SLC25A29: variants seen among roughly 807,000 people sequenced by gnomAD.
SLC25A29 encodes solute carrier family 25 member 29.
A neutral mutation model predicts 10.0 loss-of-function variants in SLC25A29; 13 were observed. The observed-to-expected ratio is 1.30, with a 90% CI of 0.85 to 2.07. SLC25A29 has a LOEUF of 2.07. SLC25A29 is among the 30% of genes most tolerant of loss of function. SLC25A29 has a pLI of 0.00. For missense variants in SLC25A29, 475 were observed against 447.6 expected (o/e 1.06, Z -0.55); for synonymous variants, 244 against 221.1 (o/e 1.10, Z -0.92).
chr14:100,286,004 G>A, the SLC25A29 span, among the ~76,000 whole-genome samples: 1 of 152,102 alleles, frequency 6.6e-6, no homozygotes, highest in Non-Finnish European at 1.5e-5. Context: ...GGCGTGGCGG[G>A]GGCTCCTACC....
intron 2 of SLC25A29, 37 bp downstream of exon 2, chr14:100,298,805 T>C (rs1198265861): frequency 7.4e-6 from 12 of 1,614,106 alleles, no homozygotes; most frequent in Admixed American, 3.3e-5. Context: ...CTCTCCAATG[T>C]ACGCGCCGAG....
At chr14:100,299,328 C>T (rs943930797) in intron 1 of SLC25A29, 23 of 1,024,604 alleles carry the variant, frequency 2.2e-5, no homozygotes, top group Admixed American at 5.1e-5. Flanking sequence ...CGCTCATCAG[C>T]CTGGCGTGCT....
At chr14:100,294,700 CG>C (rs2139697030) in intron 2 of SLC25A29, 1 of 152,322 alleles carries the variant, frequency 6.6e-6, no homozygotes, top group African/African-American at 2.4e-5. Flanking sequence ...GAGCCCTCAC[CG>C]GGAACAGCCA....
Position 100,292,941 on chromosome 14 carries a change from C to T in SLC25A29, c.254G>A (p.Arg85Gln), listed in dbSNP as rs769844348. Residue 85 changes from arginine to glutamine, a missense_variant, in exon 4 of 4, where the codon CGG becomes CAG. By Grantham distance (43) the Arg-to-Gln change is conservative (BLOSUM62 1). Transcript: ENST00000359232. ...GAGGGGCGAGTCGTGGCCCAGGGCC[C>T]GGAGGGTGTTGCCCTGCACCCCGAA... is the stretch of plus-strand genomic sequence containing the variant. The part of the protein sequence containing the change: ...LVFGVQGNTL[R>Q]ALGHDSPLNQ... The T allele has an allele frequency of 1.9e-6, 3 of 1,606,358 alleles. No individual in the cohort carries two copies. The highest frequency in any genetic ancestry group is 2.2e-5 in the East Asian group (1 of 44,620).
intron 3 of SLC25A29, 34 bp from the exon 4 acceptor site, chr14:100,293,066 C>T (rs373199492): frequency 9.4e-6 from 14 of 1,496,202 alleles, no homozygotes; most frequent in African/African-American, 2.8e-5. Flanking sequence ...GAGCCGGCAA[C>T]GCGCACCTCC....
At chr14:100,295,462 AT>A in intron 2 of SLC25A29, 88 of 715,880 alleles carry the variant, frequency 1.2e-4, no homozygotes, top group Non-Finnish European at 1.4e-4. Flanking sequence ...GAGGGGGCTG[AT>A]TTTTTTTGGC....
intron 2 of SLC25A29, chr14:100,295,663 C>T: frequency 7.8e-7 from 1 of 1,289,556 alleles, no homozygotes. Flanking sequence ...CCATCTACAA[C>T]AAAGTTACAC....
At chr14:100,295,992 G>A in intron 2 of SLC25A29, 1 of 1,289,516 alleles carries the variant, frequency 7.8e-7, no homozygotes, top group Non-Finnish European at 1.0e-6. Flanking sequence ...AGTCCCAAGG[G>A]CCTGGGGGAA....
chr14:100,286,499 C>T (rs1342342792), downstream of SLC25A29, among the ~76,000 whole-genome samples: 4 of 84,434 alleles, frequency 4.7e-5, no homozygotes, highest in South Asian at 3.0e-4. Flanking sequence ...TGCAGAGGGG[C>T]GCTGGTGGGG....
At chr14:100,282,946 GAACTCCC>G in the SLC25A29 span, among the ~76,000 whole-genome samples, 1 of 152,186 alleles carries the variant, frequency 6.6e-6, no homozygotes, top group Non-Finnish European at 1.5e-5. Context: ...ACAGGACTGG[GAACTCCC>G]AGGATTTGGT....
chr14:100,295,237 AC>A (rs1892058401), intron 2 of SLC25A29: 2 of 196,918 alleles, frequency 1.0e-5, no homozygotes, highest in South Asian at 1.7e-4. Context: ...TCAGTCTGTG[AC>A]GAGCCCTTGC....
chr14:100,300,963 G>A (rs967957473), intron 1 of SLC25A29, among the ~76,000 whole-genome samples: 6 of 151,552 alleles, frequency 4.0e-5, no homozygotes, highest in Non-Finnish European at 7.4e-5. Context: ...GTAGTGTTGC[G>A]GTCTCGGCTC....
At chr14:100,294,071 C>T (rs1415509481) in intron 2 of SLC25A29, 1 of 152,242 alleles carries the variant, frequency 6.6e-6, no homozygotes, top group Non-Finnish European at 1.5e-5. Flanking sequence ...CATGCCACTG[C>T]ACTCCAGCCT....
downstream of SLC25A29, among the ~76,000 whole-genome samples, chr14:100,288,578 A>ACCCCCCCCCCCCCCCCCCCCC (rs530887749): frequency 2.2e-5 from 3 of 139,008 alleles, no homozygotes; most frequent in Admixed American, 7.3e-5. Context: ...GCCCTGCCTC[A>ACCCCCCCCCCCCCCCCCCCCC]CCCCCCTCCC....
intron 1 of SLC25A29, chr14:100,299,801 A>T: frequency 1.0e-6 from 1 of 985,440 alleles, no homozygotes. Flanking sequence ...CATCTGTTCA[A>T]GCTCTCCCTT....
chr14:100,298,684 A>T lies in SLC25A29; in HGVS notation c.78+158T>A, dbSNP rs981749157. On this transcript the variant is annotated intron_variant, in intron 2 of 3. Coordinates refer to ENST00000359232, the MANE Select transcript of SLC25A29 (RefSeq NM_001039355.3). ...CATGTGGATCAGCCCCAGCTGGGAGATGCCAGGACAAAGCAGTGAGGAAGG... is the reference window on the plus strand; with the variant it reads ...CATGTGGATCAGCCCCAGCTGGGAGTTGCCAGGACAAAGCAGTGAGGAAGG... 7 of 902,562 alleles carry T rather than the reference A, an allele frequency of 7.8e-6. No homozygotes were observed. The East Asian group carries it at 1.8e-4, about 23-fold the overall frequency. 55.9% of individuals were successfully genotyped at this position (902,562 alleles called of 1,614,324 possible).
chr14:100,292,090 T>C lies in SLC25A29; in HGVS notation c.*193A>G. On this transcript the variant is annotated 3_prime_UTR_variant, in exon 4 of 4. Coordinates refer to ENST00000359232, the MANE Select transcript of SLC25A29 (RefSeq NM_001039355.3). Reference sequence around the variant, plus strand: ...ACAGTGTGGGCATGAGGGTCCTTATTTCATAGATGAGAACACTGAGGCAAG... The same window carrying C: ...ACAGTGTGGGCATGAGGGTCCTTATCTCATAGATGAGAACACTGAGGCAAG... 1 of 673,796 alleles carries C rather than the reference T, an allele frequency of 1.5e-6. No homozygotes were observed. The highest frequency in any genetic ancestry group is 2.6e-6 in the Non-Finnish European group (1 of 391,928). The allele number at this position is 673,796 out of a possible 1,614,324, so 41.7% of individuals were successfully genotyped here.
chr14:100,306,342 G>GCA lies in SLC25A29; in HGVS notation c.-111_-110insTG. 1 of 1,104,638 alleles carries GCA rather than the reference G, an allele frequency of 9.1e-7. No individual in the cohort carries two copies. Among genetic ancestry groups the GCA allele is most frequent in the Non-Finnish European group, 1.1e-6 (1 of 870,486 alleles). The allele number at this position is 1,104,638 out of a possible 1,614,324, so 68.4% of individuals were successfully genotyped here. On this transcript the variant is annotated 5_prime_UTR_variant, in exon 1 of 4. Coordinates refer to ENST00000359232, the MANE Select transcript of SLC25A29 (RefSeq NM_001039355.3). Reference sequence around the variant, plus strand: ...GCGCGCGGTGCCGGGGCTGGGCCTGGCCGCTCCTCCTGGCGCGGAGCCCGG... The same window carrying GCA: ...GCGCGCGGTGCCGGGGCTGGGCCTGGCACCGCTCCTCCTGGCGCGGAGCCCGG...
downstream of SLC25A29, among the ~76,000 whole-genome samples, chr14:100,287,721 T>C (rs905001581): frequency 1.4e-5 from 2 of 141,198 alleles, no homozygotes; most frequent in Non-Finnish European, 3.0e-5. Flanking sequence ...TCTTATTGCC[T>C]CCTAACCTCC....
Sources: gnomAD v4.1 joint callset for allele counts (sites outside exome capture counted in the v4.1 genomes callset) on GRCh38, gnomAD v4.1.1 for gene constraint, MANE v1.5 for transcripts, NCBI Gene and HGNC (gene_info 2026-07-23, HGNC 2026-07-21) for gene names.